The following SDR42E2 variants were observed in gnomAD, a reference collection of about 807,000 sequenced individuals.
SDR42E2 encodes the protein short chain dehydrogenase/reductase family 42E, member 2.
A neutral mutation model predicts 10.5 loss-of-function variants in SDR42E2; 20 were observed. The observed-to-expected ratio is 1.90, with a 90% confidence interval of 1.34 to 2.77. SDR42E2 has a LOEUF of 2.77. Among genes scored for constraint, SDR42E2 ranks in the 30% most tolerant of loss-of-function variants. The probability of loss-of-function intolerance (pLI) is 0.00; values close to 1 mark genes in which losing one functional copy is unlikely to be tolerated. For synonymous variants in SDR42E2, 72 were observed against 39.2 expected (o/e 1.84, Z -3.12); for missense variants, 162 against 104.2 (o/e 1.55, Z -2.42).
At chr16:22,182,903 GC>G (rs1487511365) in intron 10 of SDR42E2, among the ~76,000 whole-genome samples, 1 of 152,120 alleles carries the variant, frequency 6.6e-6, no homozygotes, top group African/African-American at 2.4e-5. Flanking sequence ...TACTTGGGCA[GC>G]TGAGGCGGGA....
chr16:22,185,563 C>A (rs1040449679), intron 11 of SDR42E2, among the ~76,000 whole-genome samples: 2 of 152,138 alleles, frequency 1.3e-5, no homozygotes, highest in Non-Finnish European at 2.9e-5. Flanking sequence ...CACTACCGAC[C>A]AATTAAATTG....
chr16:22,183,701 G>A (rs1446905557), intron 10 of SDR42E2, among the ~76,000 whole-genome samples: 1 of 152,192 alleles, frequency 6.6e-6, no homozygotes, highest in East Asian at 1.9e-4. Flanking sequence ...CCACAGAAAA[G>A]TCAATTCTGG....
At chr16:22,189,766 TCTC>T (rs1192415026) in intron 12 of SDR42E2, among the ~76,000 whole-genome samples, 2 of 152,122 alleles carry the variant, frequency 1.3e-5, no homozygotes, top group Non-Finnish European at 2.9e-5. Context: ...GCGTTCACCT[TCTC>T]CTAGCGGATG....
chr16:22,190,028 T>A (rs766214438), intron 12 of SDR42E2, 111 bp from the exon 13 acceptor site: 3 of 399,852 alleles, frequency 7.5e-6, no homozygotes, highest in Non-Finnish European at 1.3e-5. Context: ...TAAATCACTA[T>A]GTAATGGAGG....
rs528085701 is a variant in SDR42E2, at chr16:22,169,186, C to A, written c.337-259C>A. 7.8e-4 allele frequency among the ~76,000 whole-genome samples: 119 copies of A among 152,288 alleles called. 1 individual carries two copies. Among genetic ancestry groups the A allele is most frequent in the Non-Finnish European group, 1.4e-3 (95 of 68,030 alleles). Reference sequence around the variant, plus strand: ...TCTCAAGTGTCTTATTGAGTCCCGCCCACCACCCAGGGGAGGAGGTTGGCC... The same window carrying A: ...TCTCAAGTGTCTTATTGAGTCCCGCACACCACCCAGGGGAGGAGGTTGGCC... On this transcript the variant is annotated intron_variant, in intron 4 of 12. Coordinates refer to ENST00000602312, the MANE Select transcript of SDR42E2 (RefSeq NM_001394319.2).
intron 5 of SDR42E2, among the ~76,000 whole-genome samples, chr16:22,170,120 C>G (rs867452393): frequency 6.6e-6 from 1 of 151,708 alleles, no homozygotes; most frequent in African/African-American, 2.4e-5. Context: ...TTTGGGAGGC[C>G]GAGGCAGGTG....
chr16:22,173,523 C>T (rs2046617371), intron 7 of SDR42E2, among the ~76,000 whole-genome samples: 2 of 152,108 alleles, frequency 1.3e-5, no homozygotes, highest in African/African-American at 4.8e-5. Context: ...AGCCACCACA[C>T]CTGGCCCCAT....
chr16:22,172,588 A>G (rs1479586205), intron 7 of SDR42E2, among the ~76,000 whole-genome samples: 1 of 152,190 alleles, frequency 6.6e-6, no homozygotes, highest in Non-Finnish European at 1.5e-5. Flanking sequence ...TGGGGAAGAG[A>G]CTTGAGCAAA....
intron 11 of SDR42E2, among the ~76,000 whole-genome samples, chr16:22,185,087 G>A (rs897212112): frequency 1.3e-5 from 2 of 152,078 alleles, no homozygotes; most frequent in African/African-American, 4.8e-5. Context: ...GTCCCTGAAG[G>A]TCAGTCTCTG....
intron 8 of SDR42E2, among the ~76,000 whole-genome samples, chr16:22,180,062 G>A (rs1333406033): frequency 1.3e-5 from 2 of 152,058 alleles, no homozygotes; most frequent in African/African-American, 2.4e-5. Flanking sequence ...GCAAAGGGGC[G>A]GTGCAGCTGT....
At chr16:22,182,649 G>A (rs1412675965) in intron 10 of SDR42E2, among the ~76,000 whole-genome samples, 2 of 152,188 alleles carry the variant, frequency 1.3e-5, no homozygotes, top group East Asian at 3.9e-4. Flanking sequence ...TGCTCGGCCT[G>A]CGGCCTTCTC....
chr16:22,191,628 T>C lies in SDR42E2; in HGVS notation c.*1235T>C, dbSNP rs2046775398. 6.6e-6 allele frequency: 1 copy of C among 151,516 alleles called. No individual in the cohort carries two copies. The highest frequency in any genetic ancestry group is 2.4e-5 in the African/African-American group (1 of 41,174). The allele number at this position is 151,516 out of a possible 1,614,324, so 9.4% of individuals were successfully genotyped here. On this transcript the variant is annotated 3_prime_UTR_variant, in exon 13 of 13. Coordinates refer to ENST00000602312, the MANE Select transcript of SDR42E2 (RefSeq NM_001394319.2). ...GACTTGGCCTTTTTGGGTTCCTGTC[T>C]GAGGATGACAGCATAGTAAGCACAG...
intron 7 of SDR42E2, among the ~76,000 whole-genome samples, chr16:22,176,518 A>G (rs893352282): frequency 6.6e-6 from 1 of 152,266 alleles, no homozygotes; most frequent in Non-Finnish European, 1.5e-5. Flanking sequence ...GGCAATAAAA[A>G]TAAAAGAAAA....
chr16:22,189,967 A>G (rs1179101063), intron 12 of SDR42E2, among the ~76,000 whole-genome samples, 172 bp from the exon 13 acceptor site: 1 of 151,654 alleles, frequency 6.6e-6, no homozygotes, highest in Non-Finnish European at 1.5e-5. Flanking sequence ...AGAAAGGAAG[A>G]CCTCTCTAAT....
At chr16:22,165,245 A>C (rs1216920930) in intron 1 of SDR42E2, among the ~76,000 whole-genome samples, 1 of 152,060 alleles carries the variant, frequency 6.6e-6, no homozygotes, top group Non-Finnish European at 1.5e-5. Flanking sequence ...GCCCCACTAC[A>C]CCCGGCTAAT....
chr16:22,165,057 C>T (rs1028667167), intron 1 of SDR42E2, among the ~76,000 whole-genome samples: 1 of 152,148 alleles, frequency 6.6e-6, no homozygotes, highest in African/African-American at 2.4e-5. Context: ...GTGCAGAGGA[C>T]AGCAGCCACA....
intron 5 of SDR42E2, 89 bp from the exon 6 acceptor site, chr16:22,170,744 G>C (rs562396651): frequency 1.4e-6 from 1 of 691,464 alleles, no homozygotes; most frequent in Non-Finnish European, 2.7e-6. Context: ...CTCCTCAGCC[G>C]ACTCTATGCT....
rs1027025872 is a variant in SDR42E2, at chr16:22,190,407, G to A, written c.*14G>A. The A allele has an allele frequency of 1.2e-5, 5 of 400,926 alleles. No homozygotes were observed. The highest frequency in any genetic ancestry group is 8.8e-5 in the Admixed American group (2 of 22,698). 24.8% of individuals were successfully genotyped at this position (400,926 alleles called of 1,614,324 possible). A position where few individuals can be genotyped will look rare whatever the true frequency, so the allele number is the denominator to read the frequency against. The stretch of plus-strand genomic sequence containing the variant: ...GAGCGCCTGTGACCGTCCGCCGTCC[G>A]CCGCCCGCTAGGGTCGGCCCCGCTG... On this transcript the variant is annotated 3_prime_UTR_variant, in exon 13 of 13. Coordinates refer to ENST00000602312, the MANE Select transcript of SDR42E2 (RefSeq NM_001394319.2).
chr16:22,181,487 A>G, intron 8 of SDR42E2, 32 bp from the exon 9 acceptor site: 1 of 702,986 alleles, frequency 1.4e-6, no homozygotes, highest in South Asian at 1.5e-5. Context: ...CACCGGACAC[A>G]AGCCTGTTTA....
Sources: allele counts gnomAD v4.1 joint callset (sites outside exome capture counted in the v4.1 genomes callset), GRCh38; gene constraint gnomAD v4.1.1; transcripts MANE v1.5; gene names NCBI Gene and HGNC (gene_info 2026-07-23, HGNC 2026-07-21).